Variants in ANKRD36C observed in about 807,000 individuals in gnomAD.
ANKRD36C encodes the protein ankyrin repeat domain 36C, also known as ankyrin repeat domain-containing protein 36C.
Under a neutral mutation model 276.4 loss-of-function variants are expected in ANKRD36C, and 61 were observed. The observed-to-expected ratio is 0.22, with a 90% CI of 0.18 to 0.27. The LOEUF (loss-of-function observed/expected upper bound fraction) is 0.27, where lower values mean the gene tolerates loss of function less well. Among genes scored for constraint, ANKRD36C ranks in the 10% least tolerant of loss-of-function variants. The probability of loss-of-function intolerance (pLI) is 1.00; values close to 1 mark genes in which losing one functional copy is unlikely to be tolerated. For missense variants in ANKRD36C, 1,447 were observed against 2,032.3 expected (o/e 0.71, Z 5.54); for synonymous variants, 483 against 680.1 (o/e 0.71, Z 4.51).
rs763431054 is a variant in ANKRD36C, at chr2:95,902,950, T to A, written c.2654-3614A>T. On this transcript the variant is annotated intron_variant, in intron 42 of 66. Transcript: ENST00000456556. ...TATTCAAAAGAGAATCTTTCTCGTC[T>A]CTTGTAGCCTGAATGGAATTTGAAA... The A allele has an allele frequency of 7.5e-6, 12 of 1,589,972 alleles. 2 individuals carry two copies. Among genetic ancestry groups the A allele is most frequent in the South Asian group, 2.2e-5 (2 of 89,260 alleles).
chr2:95,924,128 A>G (rs1677346815), intron 30 of ANKRD36C, among the ~76,000 whole-genome samples: 1 of 151,676 alleles, frequency 6.6e-6, no homozygotes, highest in South Asian at 2.1e-4. Flanking sequence ...TTGCCTGATA[A>G]CTGAGAAGGT....
At chr2:95,871,200 A>G (rs1675803492) in intron 59 of ANKRD36C, among the ~76,000 whole-genome samples, 1 of 152,196 alleles carries the variant, frequency 6.6e-6, no homozygotes, top group South Asian at 2.1e-4. Context: ...GAGCAACTCC[A>G]AGACACATAA....
chr2:95,956,702 A>G, intron 13 of ANKRD36C, 84 bp downstream of exon 13: 1 of 1,239,776 alleles, frequency 8.1e-7, no homozygotes, highest in Non-Finnish European at 1.1e-6. Context: ...TCTAGCACAG[A>G]GGAGAACACT....
chr2:95,853,943 C>T (rs1319069399), intron 63 of ANKRD36C, 82 bp from the exon 84 acceptor site: 104 of 1,494,492 alleles, frequency 7.0e-5, no homozygotes, highest in Admixed American at 1.5e-4. Context: ...CTAAAGCATA[C>T]GCTTTGAAAA....
At chr2:95,856,525 C>T (rs1354455703) in intron 62 of ANKRD36C, among the ~76,000 whole-genome samples, 8 of 152,074 alleles carry the variant, frequency 5.3e-5, no homozygotes, top group Non-Finnish European at 4.4e-5. Context: ...TGGGTTTACA[C>T]TCTAACATCT....
intron 44 of ANKRD36C, 99 bp from the exon 63 acceptor site, chr2:95,893,823 G>C: frequency 2.5e-6 from 4 of 1,577,648 alleles, no homozygotes; most frequent in Non-Finnish European, 3.4e-6. Flanking sequence ...CCTCCTGCCT[G>C]TATTAGCGTA....
chr2:95,980,821 A>T, intron 4 of ANKRD36C, 36 bp from the exon 5 acceptor site: 1 of 1,547,976 alleles, frequency 6.5e-7, no homozygotes, highest in Non-Finnish European at 8.7e-7. Context: ...AACTTTAATG[A>T]CATTTTAAAA....
chr2:95,924,535 G>A (rs1292632870), intron 30 of ANKRD36C, among the ~76,000 whole-genome samples: 2 of 151,538 alleles, frequency 1.3e-5, no homozygotes, highest in Non-Finnish European at 3.0e-5. Flanking sequence ...AAATTAGTCT[G>A]CTCTGGAATA....
At chr2:95,942,897 C>T (rs544112427) in intron 19 of ANKRD36C, among the ~76,000 whole-genome samples, 3 of 152,390 alleles carry the variant, frequency 2.0e-5, no homozygotes, top group Non-Finnish European at 4.4e-5. Context: ...AATGTCCCAA[C>T]TGTAGGAGAT....
chr2:95,912,000 T>C (rs539328976), intron 42 of ANKRD36C, among the ~76,000 whole-genome samples: 245 of 151,614 alleles, frequency 1.6e-3, no homozygotes, highest in Non-Finnish European at 2.6e-3. Context: ...GAGCCCCTTA[T>C]GTCTTCAACT....
intron 60 of ANKRD36C, among the ~76,000 whole-genome samples, chr2:95,861,563 T>C (rs1444751229): frequency 1.3e-5 from 2 of 151,644 alleles, no homozygotes; most frequent in African/African-American, 2.4e-5. Context: ...TAAAATTATA[T>C]ACTAAAAATC....
chr2:95,942,122 C>A (rs1339180657), intron 19 of ANKRD36C, among the ~76,000 whole-genome samples: 11 of 151,310 alleles, frequency 7.3e-5, no homozygotes, highest in African/African-American at 2.5e-4. Context: ...GAAGACTGAT[C>A]TGGGTAAATA....
At chr2:95,980,579 A>C (rs902025878) in intron 5 of ANKRD36C, 69 bp downstream of exon 5, 1 of 1,546,104 alleles carries the variant, frequency 6.5e-7, no homozygotes, top group African/African-American at 1.4e-5. Flanking sequence ...CTGATATATA[A>C]GATGCAATTG....
chr2:95,926,188 G>T (rs1286890293), intron 28 of ANKRD36C, among the ~76,000 whole-genome samples: 1 of 151,442 alleles, frequency 6.6e-6, no homozygotes, highest in East Asian at 1.9e-4. Context: ...GCTACAGAAA[G>T]GTTCTTCGTC....
At chr2:95,973,181 G>A (rs1678732317) in intron 6 of ANKRD36C, among the ~76,000 whole-genome samples, 1 of 151,840 alleles carries the variant, frequency 6.6e-6, no homozygotes, top group Non-Finnish European at 1.5e-5. Flanking sequence ...TGGGAGGCTG[G>A]GGCGGGCGGA....
At chr2:95,966,955 G>A (rs537840702) in intron 6 of ANKRD36C, among the ~76,000 whole-genome samples, 9 of 151,864 alleles carry the variant, frequency 5.9e-5, no homozygotes, top group African/African-American at 1.7e-4. Context: ...ATGATTTAGT[G>A]CTCTATTACT....
At chr2:95,925,244 C>T (rs989973678) in intron 30 of ANKRD36C, 108 bp downstream of exon 30, 2 of 1,511,890 alleles carry the variant, frequency 1.3e-6, no homozygotes, top group African/African-American at 2.8e-5. Flanking sequence ...CTCAGGCCTG[C>T]TTAATCAGAA....
At chr2:95,942,380 G>T (rs576520172) in intron 19 of ANKRD36C, among the ~76,000 whole-genome samples, 87 of 152,290 alleles carry the variant, frequency 5.7e-4, no homozygotes, top group African/African-American at 2.0e-3. Context: ...GAATATTATG[G>T]TCATCTGCAT....
chr2:95,860,523 C>T (rs1455192433), intron 60 of ANKRD36C, among the ~76,000 whole-genome samples: 1 of 152,138 alleles, frequency 6.6e-6, no homozygotes, highest in Non-Finnish European at 1.5e-5. Flanking sequence ...CTGTTACTAG[C>T]TCTGATGGAG....
Sources: gnomAD v4.1 joint callset for allele counts (sites outside exome capture counted in the v4.1 genomes callset) on GRCh38, gnomAD v4.1.1 for gene constraint, MANE v1.5 for transcripts, NCBI Gene and HGNC (gene_info 2026-07-23, HGNC 2026-07-21) for gene names.